The following CNTNAP4 variants were observed in gnomAD, a reference collection of about 807,000 sequenced individuals.
CNTNAP4 encodes the protein contactin associated protein family member 4.
In CNTNAP4, 98 loss-of-function variants were observed where a neutral mutation model predicts 148.4. The observed-to-expected ratio is 0.66, with a 90% CI of 0.56 to 0.78. CNTNAP4 has a LOEUF of 0.78. CNTNAP4 is among the 30% of genes least tolerant of loss of function. The probability of loss-of-function intolerance (pLI) is 0.00; values close to 1 mark genes in which losing one functional copy is unlikely to be tolerated. For missense variants in CNTNAP4, 1,935 were observed against 1,565.6 expected, an observed-to-expected ratio of 1.24 and a Z score of -3.98; for synonymous variants, 730 against 565.1, an observed-to-expected ratio of 1.29 and a Z score of -4.14.
At chr16:76,289,065 C>T (rs552228191) in intron 1 of CNTNAP4, among the ~76,000 whole-genome samples, 23 of 141,692 alleles carry the variant, frequency 1.6e-4, no homozygotes, top group African/African-American at 6.6e-4. Context: ...TTCCCTCTCA[C>T]CTTTTAAAAA....
Position 76,392,380 on chromosome 16 carries a change from C to CA in CNTNAP4, c.391-35069dup, listed in dbSNP as rs558785586. 7.9e-4 allele frequency among the ~76,000 whole-genome samples: 120 copies of CA among 152,148 alleles called. 3 individuals are homozygous for CA. The South Asian group carries it at 0.022, about 28-fold the overall frequency. On this transcript the variant is annotated intron_variant, in intron 3 of 23. Coordinates refer to ENST00000611870, the MANE Select transcript of CNTNAP4 (RefSeq NM_033401.5). ...CCAAAGAAAAACCAATATGAACTCC[C>CA]AAATCATTGGAAAGCCACAAACCTG...
At chr16:76,518,894 C>G (rs563270973) in intron 15 of CNTNAP4, among the ~76,000 whole-genome samples, 8 of 152,262 alleles carry the variant, frequency 5.3e-5, no homozygotes, top group African/African-American at 1.4e-4. Flanking sequence ...CTCCTCTCCC[C>G]CTCCATGAGA....
At chr16:76,477,288 G>A (rs1049767050) in intron 11 of CNTNAP4, among the ~76,000 whole-genome samples, 15 of 152,000 alleles carry the variant, frequency 9.9e-5, no homozygotes, top group African/African-American at 2.2e-4. Context: ...TTGTTCTGGC[G>A]CACAAATGGG....
At chr16:76,417,230 A>G (rs2079021191) in intron 3 of CNTNAP4, among the ~76,000 whole-genome samples, 1 of 151,416 alleles carries the variant, frequency 6.6e-6, no homozygotes, top group South Asian at 2.1e-4. Flanking sequence ...TTGAATTAAT[A>G]TGTATCATGC....
rs8046194 is a variant in CNTNAP4 at position 76,518,391 on chromosome 16, G to C, written c.2366-2749G>C. On this transcript the variant is annotated intron_variant, in intron 15 of 23. Coordinates refer to ENST00000611870, the MANE Select transcript of CNTNAP4 (RefSeq NM_033401.5). ...GATCTGCCCACCTCAGCCCCCAAAA[G>C]TGCTGGGATTACAGGCATGAGCCAC... 5.1e-3 allele frequency among the ~76,000 whole-genome samples: 781 copies of C among 152,228 alleles called. 5 individuals are homozygous for C. The highest frequency in any genetic ancestry group is 0.018 in the African/African-American group (751 of 41,536).
At chr16:76,531,942 T>A (rs2084002219) in intron 17 of CNTNAP4, among the ~76,000 whole-genome samples, 2 of 152,210 alleles carry the variant, frequency 1.3e-5, no homozygotes, top group South Asian at 4.1e-4. Flanking sequence ...TTCTTCTCAC[T>A]CTTACAAATA....
chr16:76,533,472 A>G (rs1281123515), intron 17 of CNTNAP4, among the ~76,000 whole-genome samples: 2 of 152,194 alleles, frequency 1.3e-5, no homozygotes, highest in African/African-American at 4.8e-5. Flanking sequence ...ATAACTAGGA[A>G]GATATTGAAT....
At chr16:76,552,618 G>C (rs1015473348) in intron 21 of CNTNAP4, among the ~76,000 whole-genome samples, 8 of 152,184 alleles carry the variant, frequency 5.3e-5, no homozygotes, top group African/African-American at 1.4e-4. Context: ...TTCTGTCCCA[G>C]TGACAAGTTG....
intron 3 of CNTNAP4, among the ~76,000 whole-genome samples, chr16:76,390,036 G>T (rs956891320): frequency 6.6e-6 from 1 of 152,062 alleles, no homozygotes; most frequent in Non-Finnish European, 1.5e-5. Context: ...GCCCCACTGG[G>T]GAATTCTAGG....
chr16:76,464,234 G>A (rs1468219900), intron 9 of CNTNAP4, among the ~76,000 whole-genome samples: 2 of 152,166 alleles, frequency 1.3e-5, no homozygotes, highest in Admixed American at 6.5e-5. Context: ...GAACTAGAGG[G>A]GAAAGGGTTC....
Position 76,312,147 on chromosome 16 carries a change from T to C in CNTNAP4, c.86-4266T>C, listed in dbSNP as rs184960974. Among the ~76,000 whole-genome samples the C allele has an allele frequency of 3.3e-5, 5 of 152,302 alleles. No individual in the cohort carries two copies. The East Asian group carries it at 9.7e-4, about 29-fold the overall frequency. ...ATATTGTTTCTCAACCTTGGCACTA[T>C]TGACATTTGAGACCAGACCATTCTT... On this transcript the variant is annotated intron_variant, in intron 1 of 23. Transcript: ENST00000611870.
At chr16:76,376,847 G>A (rs531600843) in intron 3 of CNTNAP4, among the ~76,000 whole-genome samples, 6 of 152,224 alleles carry the variant, frequency 3.9e-5, no homozygotes, top group African/African-American at 1.2e-4. Flanking sequence ...GTCAGGGAGG[G>A]TGAGGTTGAT....
rs2080948428 is a variant in CNTNAP4 at position 76,461,224 on chromosome 16, A to T, written c.1334-732A>T. Among the ~76,000 whole-genome samples, 3 of 152,170 alleles carry T rather than the reference A, an allele frequency of 2.0e-5. No individual in the cohort carries two copies. The South Asian group carries it at 6.2e-4, about 31-fold the overall frequency. ...AAACTTACAAAAATTTAAAGAAAAC[A>T]TTATTTACAGTATGAGAGCTACAGC... On this transcript the variant is annotated intron_variant, in intron 8 of 23. Coordinates refer to ENST00000611870, the MANE Select transcript of CNTNAP4 (RefSeq NM_033401.5).
Position 76,384,406 on chromosome 16 carries a change from C to T in CNTNAP4, c.390+28895C>T, listed in dbSNP as rs73615725. The stretch of plus-strand genomic sequence containing the variant: ...AGTTAAGGCTGGCAGTAATGAGCAC[C>T]ATGAGGACCAAGCTGAATAAAGGAT... On this transcript the variant is annotated intron_variant, in intron 3 of 23. Transcript: ENST00000611870. Among the ~76,000 whole-genome samples the T allele has an allele frequency of 9.7e-3, 1,473 of 152,116 alleles. 18 individuals carry two copies. The highest frequency in any genetic ancestry group is 0.03 in the African/African-American group (1,243 of 41,486).
chr16:76,330,024 G>A (rs1461704583), intron 2 of CNTNAP4, among the ~76,000 whole-genome samples: 1 of 152,110 alleles, frequency 6.6e-6, no homozygotes, highest in African/African-American at 2.4e-5. Context: ...CTGTGCTAAA[G>A]GAAAAACACA....
At chr16:76,520,206 C>T (rs185886524) in intron 15 of CNTNAP4, among the ~76,000 whole-genome samples, 109 of 150,790 alleles carry the variant, frequency 7.2e-4, no homozygotes, top group African/African-American at 2.6e-3. Context: ...GATTTTACTC[C>T]TCATCAACCT....
chr16:76,464,844 TC>T (rs1363323289), intron 9 of CNTNAP4, among the ~76,000 whole-genome samples: 1 of 152,208 alleles, frequency 6.6e-6, no homozygotes, highest in Non-Finnish European at 1.5e-5. Context: ...TTTCACAAAG[TC>T]GGACTGTATT....
intron 3 of CNTNAP4, among the ~76,000 whole-genome samples, chr16:76,409,231 T>C (rs2078707577): frequency 1.3e-5 from 2 of 151,934 alleles, no homozygotes; most frequent in African/African-American, 4.8e-5. Flanking sequence ...TTTTAATCTT[T>C]AGGGAGCAGC....
intron 1 of CNTNAP4, among the ~76,000 whole-genome samples, chr16:76,304,837 T>G (rs1891629449): frequency 6.6e-6 from 1 of 152,210 alleles, no homozygotes; most frequent in South Asian, 2.1e-4. Flanking sequence ...CCCGAGGATG[T>G]CCATATCTTA....
Sources: allele counts gnomAD v4.1 joint callset (sites outside exome capture counted in the v4.1 genomes callset), GRCh38; gene constraint gnomAD v4.1.1; transcripts MANE v1.5; gene names NCBI Gene and HGNC (gene_info 2026-07-23, HGNC 2026-07-21).